Variants in CPNE1 observed in about 807,000 individuals in gnomAD.
The protein encoded by CPNE1 is copine 1.
CPNE1 carries 58 observed loss-of-function variants against 63.2 expected under a neutral mutation model. The ratio of observed to expected loss-of-function variants is 0.92; its 90% CI spans 0.74 to 1.14. The LOEUF (loss-of-function observed/expected upper bound fraction) is 1.14. Among genes scored for constraint, CPNE1 ranks in the 50% most tolerant of loss-of-function variants. The probability of loss-of-function intolerance (pLI) is 0.00; values close to 1 mark genes in which losing one functional copy is unlikely to be tolerated. For synonymous variants in CPNE1, 237 were observed against 249.0 expected (o/e 0.95, Z 0.45); for missense variants, 672 against 661.7 (o/e 1.02, Z -0.17).
intron 1 of CPNE1, chr20:35,647,215 G>A (rs1326703395): frequency 1.3e-5 from 2 of 151,254 alleles, no homozygotes; most frequent in Admixed American, 6.6e-5. Context: ...TCGGGAGGCT[G>A]AGGCAGGAGA....
chr20:35,653,842 T>C (rs749963115), intron 1 of CPNE1: 2 of 1,613,856 alleles, frequency 1.2e-6, no homozygotes, highest in Non-Finnish European at 1.7e-6. Flanking sequence ...ATTGCCCATG[T>C]ACTGTTTATG....
At chr20:35,661,664 A>G (rs2034237427) in intron 1 of CPNE1, among the ~76,000 whole-genome samples, 1 of 152,222 alleles carries the variant, frequency 6.6e-6, no homozygotes. Flanking sequence ...AAAATTTAAC[A>G]TATTATGGCA....
Position 35,630,728 on chromosome 20 carries a change from A to C in CPNE1, c.1050+13T>G. The C allele has an allele frequency of 1.9e-6, 3 of 1,613,590 alleles. No homozygotes were observed. Among genetic ancestry groups the C allele is most frequent in the Non-Finnish European group, 2.5e-6 (3 of 1,179,518 alleles). ...AACTGAAAACAGGAGTGGCAGAAAG[A>C]GAGGGAGCTCACCTGCCAGTCAGGG... On this transcript the variant is annotated intron_variant, in intron 12 of 15. Transcript: ENST00000397443.
At chr20:35,654,706 G>C in intron 1 of CPNE1, 1 of 1,613,830 alleles carries the variant, frequency 6.2e-7, no homozygotes, top group Admixed American at 1.7e-5. Flanking sequence ...TGGAATTGGG[G>C]GAATGGATGG....
rs571177026 is a variant in CPNE1 at position 35,658,843 on chromosome 20, T to G, written c.-1+5917A>C. 7 of 670,806 alleles carry G rather than the reference T, an allele frequency of 1.0e-5. No homozygotes were observed. The African/African-American group carries it at 1.1e-4, about 11-fold the overall frequency. 41.6% of individuals were successfully genotyped at this position (670,806 alleles called of 1,614,324 possible). The stretch of plus-strand genomic sequence containing the variant: ...CACACACACACACACACACACAATA[T>G]AGTTGCTACATATATTTTCATATTT... On this transcript the variant is annotated intron_variant, in intron 1 of 15. Coordinates refer to ENST00000397443, the MANE Select transcript of CPNE1 (RefSeq NM_152925.3).
chr20:35,637,199 C>T (rs559830046), intron 1 of CPNE1, among the ~76,000 whole-genome samples: 13 of 152,166 alleles, frequency 8.5e-5, no homozygotes, highest in African/African-American at 2.9e-4. Context: ...CTCTTGCGTC[C>T]TGCTTGGTTT....
At chr20:35,631,447 G>A in intron 8 of CPNE1, 45 bp downstream of exon 8, 2 of 1,603,310 alleles carry the variant, frequency 1.2e-6, no homozygotes, top group Non-Finnish European at 1.7e-6. Flanking sequence ...ACAAGCTTCA[G>A]CTATCTAGGC....
intron 1 of CPNE1, among the ~76,000 whole-genome samples, chr20:35,657,025 C>T (rs1407929081): frequency 1.3e-5 from 2 of 152,060 alleles, no homozygotes; most frequent in East Asian, 1.9e-4. Flanking sequence ...TTACAACTGC[C>T]GTATACAAAC....
intron 1 of CPNE1, chr20:35,658,956 TAAC>T: frequency 1.4e-6 from 1 of 717,254 alleles, no homozygotes; most frequent in Non-Finnish European, 2.6e-6. Context: ...TGAATTTCCT[TAAC>T]AAGAAGTAGA....
At chr20:35,652,580 T>C (rs377388471) in intron 1 of CPNE1, 2 of 1,614,194 alleles carry the variant, frequency 1.2e-6, no homozygotes, top group Admixed American at 1.7e-5. Context: ...TTTAAGTCAA[T>C]GACAGCAGCT....
intron 1 of CPNE1, among the ~76,000 whole-genome samples, chr20:35,634,090 T>C (rs1174481877): frequency 6.7e-6 from 1 of 150,156 alleles, no homozygotes; most frequent in Non-Finnish European, 1.5e-5. Flanking sequence ...TGAGACCCTG[T>C]CTCTACTAAA....
intron 1 of CPNE1, among the ~76,000 whole-genome samples, chr20:35,642,697 C>A (rs2032880746): frequency 6.6e-6 from 1 of 152,210 alleles, no homozygotes; most frequent in Admixed American, 6.5e-5. Flanking sequence ...CCTCACAGGT[C>A]ACAAACTGAA....
intron 1 of CPNE1, among the ~76,000 whole-genome samples, chr20:35,640,503 G>T (rs1443329542): frequency 6.6e-6 from 1 of 151,780 alleles, no homozygotes; most frequent in Non-Finnish European, 1.5e-5. Flanking sequence ...TTTCATCACC[G>T]AGCACATCTT....
At chr20:35,653,015 G>C (rs886883866) in intron 1 of CPNE1, 1 of 1,613,812 alleles carries the variant, frequency 6.2e-7, no homozygotes, top group South Asian at 1.1e-5. Context: ...CCAAAACCCG[G>C]AACATCCAGT....
chr20:35,653,726 G>C (rs769708366), intron 1 of CPNE1: 1 of 1,614,168 alleles, frequency 6.2e-7, no homozygotes, highest in Admixed American at 1.7e-5. Context: ...TCTGGATTTA[G>C]TATCATTTCC....
chr20:35,655,143 T>C, intron 1 of CPNE1: 1 of 1,614,224 alleles, frequency 6.2e-7, no homozygotes, highest in Admixed American at 1.7e-5. Flanking sequence ...TTGTACCACC[T>C]GTGCGCATCA....
chr20:35,646,937 C>T (rs1328255357), intron 1 of CPNE1, among the ~76,000 whole-genome samples: 2 of 152,074 alleles, frequency 1.3e-5, no homozygotes, highest in East Asian at 3.9e-4. Context: ...GAGCCAATTC[C>T]AATGCTCAGC....
intron 1 of CPNE1, among the ~76,000 whole-genome samples, chr20:35,660,662 T>C (rs2034182850): frequency 6.6e-6 from 1 of 152,188 alleles, no homozygotes; most frequent in Non-Finnish European, 1.5e-5. Flanking sequence ...TACTGTAATA[T>C]TTATGTACAG....
chr20:35,627,668 GT>G (rs1344217225), intron 13 of CPNE1: 1 of 365,570 alleles, frequency 2.7e-6, no homozygotes, highest in East Asian at 4.5e-5. Context: ...ATCCAGGAGA[GT>G]TTGAGCATCA....
Sources: allele counts gnomAD v4.1 joint callset (sites outside exome capture counted in the v4.1 genomes callset), GRCh38; gene constraint gnomAD v4.1.1; transcripts MANE v1.5; gene names NCBI Gene and HGNC (gene_info 2026-07-23, HGNC 2026-07-21).